Variants in PACRGL observed in about 807,000 individuals in gnomAD.
The protein encoded by PACRGL is parkin coregulated like, also known as PACRG-like protein.
PACRGL carries 38 observed loss-of-function variants against 34.5 expected under a neutral mutation model. The ratio of observed to expected loss-of-function variants is 1.10; its 90% CI spans 0.85 to 1.44. PACRGL has a LOEUF of 1.44. Ranked by LOEUF, PACRGL falls within the 40% of genes most tolerant of loss-of-function variation. PACRGL has a pLI of 0.00. For missense variants in PACRGL, 305 were observed against 281.4 expected (o/e 1.08, Z -0.60); for synonymous variants, 128 against 100.1 (o/e 1.28, Z -1.66).
intron 7 of PACRGL, among the ~76,000 whole-genome samples, chr4:20,720,313 C>T (rs1742400289): frequency 6.6e-6 from 1 of 152,132 alleles, no homozygotes; most frequent in Non-Finnish European, 1.5e-5. Flanking sequence ...TTAATTGGAG[C>T]ATTTAGCCCA....
chr4:20,706,174 A>G (rs190558108), intron 3 of PACRGL, among the ~76,000 whole-genome samples: 1 of 152,204 alleles, frequency 6.6e-6, no homozygotes, highest in African/African-American at 2.4e-5. Context: ...CTATTCATAA[A>G]AAATTCTGAT....
rs755516734 is a variant in PACRGL at position 20,731,995 on chromosome 4, T to G, written c.*4654T>G. The G allele has an allele frequency of 4.3e-6, 7 of 1,613,028 alleles. No homozygotes were observed. Among genetic ancestry groups the G allele is most frequent in the Non-Finnish European group, 5.9e-6 (7 of 1,179,690 alleles). On this transcript the variant is annotated 3_prime_UTR_variant, in exon 9 of 9. Coordinates refer to ENST00000503585, the MANE Select transcript of PACRGL (RefSeq NM_001258345.3). ...AGCTGAATTGATAGTTATTACACTT[T>G]CATTACTTACTTTTTGGCAGCTTTC... is the stretch of plus-strand genomic sequence containing the variant.
chr4:20,716,347 T>C (rs1739991812), intron 7 of PACRGL: 1 of 586,704 alleles, frequency 1.7e-6, no homozygotes, highest in Admixed American at 3.3e-5. Flanking sequence ...TTTTTTTGTT[T>C]GTTTGTTTGT....
intron 7 of PACRGL, 119 bp downstream of exon 7, chr4:20,713,658 A>G: frequency 1.4e-6 from 1 of 732,450 alleles, no homozygotes; most frequent in Non-Finnish European, 2.2e-6. Flanking sequence ...CCCTCTACAC[A>G]CTGCTTTGAA....
intron 8 of PACRGL, among the ~76,000 whole-genome samples, chr4:20,744,267 C>T (rs956916089): frequency 2.0e-5 from 3 of 152,090 alleles, no homozygotes; most frequent in Admixed American, 6.5e-5. Flanking sequence ...GGGTATACAC[C>T]CAAAGGATTA....
At chr4:20,722,720 C>G (rs1172703076) in intron 7 of PACRGL, among the ~76,000 whole-genome samples, 1 of 152,192 alleles carries the variant, frequency 6.6e-6, no homozygotes, top group Non-Finnish European at 1.5e-5. Context: ...TCACCCGAAA[C>G]TCCCATGTTG....
chr4:20,715,100 A>T (rs1166817142), intron 7 of PACRGL, among the ~76,000 whole-genome samples: 1 of 152,250 alleles, frequency 6.6e-6, no homozygotes, highest in Non-Finnish European at 1.5e-5. Context: ...AGCCATAAAA[A>T]ATGATGAGTT....
intron 3 of PACRGL, among the ~76,000 whole-genome samples, chr4:20,707,034 A>G (rs953936312): frequency 2.9e-4 from 44 of 152,216 alleles, no homozygotes; most frequent in African/African-American, 1.0e-3. Flanking sequence ...TTATCTAGTT[A>G]TATCTTTAAA....
At chr4:20,753,060 T>C (rs915989279), downstream of PACRGL, among the ~76,000 whole-genome samples, 5 of 152,204 alleles carry the variant, frequency 3.3e-5, no homozygotes, top group South Asian at 2.1e-4. Context: ...CAGTTTCTTA[T>C]AATTTTACTT....
intron 4 of PACRGL, 82 bp from the exon 5 acceptor site, chr4:20,709,601 T>C: frequency 2.4e-6 from 2 of 827,312 alleles, no homozygotes; most frequent in South Asian, 1.9e-5. Context: ...AAATCTGATA[T>C]GGTTATACTG....
rs1221221098 is a variant in PACRGL at position 20,730,839 on chromosome 4, C to CTGTT, written c.*3500_*3503dup. On this transcript the variant is annotated 3_prime_UTR_variant, in exon 9 of 9. Transcript: ENST00000503585. ...TTGCATGTGAATAGCACTTACTGAG[C>CTGTT]TGTTTATGGTAGTGGTAAATGGTGG... 7.2e-5 allele frequency among the ~76,000 whole-genome samples: 11 copies of CTGTT among 152,196 alleles called. No homozygotes were observed. In the South Asian group the frequency reaches 1.9e-3, roughly 26 times the overall value.
downstream of PACRGL, among the ~76,000 whole-genome samples, chr4:20,735,665 T>C (rs573956897): frequency 6.7e-4 from 102 of 151,812 alleles, 1 homozygote; most frequent in African/African-American, 2.4e-3. Flanking sequence ...GCCTCCCGAG[T>C]AGCTGGGACT....
intron 7 of PACRGL, among the ~76,000 whole-genome samples, chr4:20,716,786 A>G (rs1373849436): frequency 2.0e-5 from 3 of 152,330 alleles, no homozygotes; most frequent in Middle Eastern, 3.4e-3. Context: ...TAGTGCCGCA[A>G]TAAACATACA....
chr4:20,730,900 G>C lies in PACRGL; in HGVS notation c.*3559G>C, dbSNP rs868470040. 6.6e-6 allele frequency among the ~76,000 whole-genome samples: 1 copy of C among 152,006 alleles called. No homozygotes were observed. Among genetic ancestry groups the C allele is most frequent in the Non-Finnish European group, 1.5e-5 (1 of 68,000 alleles). ...AATGGCTTCCACTGCTAGAAACCAA[G>C]TAACATCACCGTCAAGCAGCTTAAT... is the stretch of plus-strand genomic sequence containing the variant. On this transcript the variant is annotated 3_prime_UTR_variant, in exon 9 of 9. Coordinates refer to ENST00000503585, the MANE Select transcript of PACRGL (RefSeq NM_001258345.3).
chr4:20,761,073 T>A, the PACRGL span, among the ~76,000 whole-genome samples: 5 of 152,182 alleles, frequency 3.3e-5, no homozygotes, highest in Non-Finnish European at 5.9e-5. Flanking sequence ...GGGGGCCTCA[T>A]TGAATCAGTT....
chr4:20,752,215 T>C (rs990215620), intron 8 of PACRGL, among the ~76,000 whole-genome samples: 1 of 151,974 alleles, frequency 6.6e-6, no homozygotes, highest in Non-Finnish European at 1.5e-5. Context: ...CCTGCCACCA[T>C]GCCCGGCGAA....
chr4:20,759,896 T>C, the PACRGL span, among the ~76,000 whole-genome samples: 582 of 152,080 alleles, frequency 3.8e-3, 3 homozygotes, highest in African/African-American at 0.012. Flanking sequence ...CCTTGGGGCA[T>C]TGCTTCCAGG....
chr4:20,729,016 C>T lies in PACRGL; in HGVS notation c.*1675C>T, dbSNP rs1031296502. ...TCTACTAAATCTTGGTAGTAGTTGTCAATGTAATGGAACCACTGGTGCTTT... is the reference window on the plus strand; with the variant it reads ...TCTACTAAATCTTGGTAGTAGTTGTTAATGTAATGGAACCACTGGTGCTTT... On this transcript the variant is annotated 3_prime_UTR_variant, in exon 9 of 9. Coordinates refer to ENST00000503585, the MANE Select transcript of PACRGL (RefSeq NM_001258345.3). The T allele has an allele frequency of 6.6e-6, 1 of 152,244 alleles. No individual in the cohort carries two copies. The highest frequency in any genetic ancestry group is 2.4e-5 in the African/African-American group (1 of 41,414). 9.4% of individuals were successfully genotyped at this position (152,244 alleles called of 1,614,324 possible). A position where few individuals can be genotyped will look rare whatever the true frequency, so the allele number is the denominator to read the frequency against.
chr4:20,718,391 G>A (rs1364103565), intron 7 of PACRGL, among the ~76,000 whole-genome samples: 4 of 152,244 alleles, frequency 2.6e-5, no homozygotes, highest in Middle Eastern at 3.4e-3. Context: ...GTGAGAGAGG[G>A]CATCCCTGTC....
Sources: allele counts gnomAD v4.1 joint callset (sites outside exome capture counted in the v4.1 genomes callset), GRCh38; gene constraint gnomAD v4.1.1; transcripts MANE v1.5; gene names NCBI Gene and HGNC (gene_info 2026-07-23, HGNC 2026-07-21).